TSEN15: variants seen among roughly 807,000 people sequenced by gnomAD.
TSEN15 encodes tRNA splicing endonuclease subunit 15, also known as tRNA-splicing endonuclease subunit Sen15.
TSEN15 carries 10 observed loss-of-function variants against 20.5 expected under a neutral mutation model. The ratio of observed to expected loss-of-function variants is 0.49; its 90% CI spans 0.30 to 0.83. TSEN15 has a LOEUF of 0.83. TSEN15 is among the 40% of genes least tolerant of loss of function. The probability of loss-of-function intolerance (pLI) is 0.06; values close to 1 mark genes in which losing one functional copy is unlikely to be tolerated. For missense variants in TSEN15, 180 were observed against 218.6 expected (o/e 0.82, Z 1.11); for synonymous variants, 72 against 80.1 (o/e 0.90, Z 0.54).
Position 184,073,749 on chromosome 1 carries a change from G to GT in TSEN15, c.*903dup, listed in dbSNP as rs1184126856. Reference sequence around the variant, plus strand: ...AACTTTTTCTATAAAGGGCCAGAAAGTAACTATTTTAGGTTTTTAAACCTA... The same window carrying GT: ...AACTTTTTCTATAAAGGGCCAGAAAGTTAACTATTTTAGGTTTTTAAACCTA... On this transcript the variant is annotated 3_prime_UTR_variant, in exon 5 of 5. Coordinates refer to ENST00000645668, the MANE Select transcript of TSEN15 (RefSeq NM_052965.4). 3 of 152,428 alleles carry GT rather than the reference G, an allele frequency of 2.0e-5. No individual in the cohort carries two copies. The highest frequency in any genetic ancestry group is 4.4e-5 in the Non-Finnish European group (3 of 67,984). The allele number at this position is 152,428 out of a possible 1,614,324, so 9.4% of individuals were successfully genotyped here.
At chr1:184,064,265 G>A (rs1650567038) in intron 3 of TSEN15, among the ~76,000 whole-genome samples, 1 of 152,138 alleles carries the variant, frequency 6.6e-6, no homozygotes, top group African/African-American at 2.4e-5. Context: ...CAAGATGTTT[G>A]AAATATGCAA....
At chr1:184,076,029 C>T (rs1651055332), downstream of TSEN15, among the ~76,000 whole-genome samples, 1 of 151,738 alleles carries the variant, frequency 6.6e-6, no homozygotes, top group South Asian at 2.1e-4. Context: ...AGCTCTGGAA[C>T]ACTCACTATT....
chr1:184,077,326 G>A (rs1244411967), downstream of TSEN15, among the ~76,000 whole-genome samples: 1 of 152,128 alleles, frequency 6.6e-6, no homozygotes, highest in African/African-American at 2.4e-5. Context: ...ATGGTTTACT[G>A]AATATTTTAA....
intron 3 of TSEN15, among the ~76,000 whole-genome samples, chr1:184,055,621 A>G (rs1358051600): frequency 6.6e-6 from 1 of 152,196 alleles, no homozygotes; most frequent in Non-Finnish European, 1.5e-5. Flanking sequence ...CATGATTAAC[A>G]TGCAAGCTGA....
intron 3 of TSEN15, chr1:184,095,665 C>G (rs965618010): frequency 5.2e-6 from 2 of 384,626 alleles, no homozygotes; most frequent in African/African-American, 2.2e-5. Flanking sequence ...CTCTCTCTCT[C>G]TCTGTGTCTC....
downstream of TSEN15, among the ~76,000 whole-genome samples, chr1:184,076,616 G>A (rs1301971441): frequency 6.6e-6 from 1 of 152,124 alleles, no homozygotes; most frequent in Non-Finnish European, 1.5e-5. Context: ...GATGAGATGG[G>A]CCAAAAACTA....
rs117434860 is a variant in TSEN15 at position 184,059,690 on chromosome 1, C to T, written c.353+4827C>T. 8.7e-4 allele frequency among the ~76,000 whole-genome samples: 132 copies of T among 152,258 alleles called. 2 individuals are homozygous for T. The East Asian group carries it at 0.021, about 24-fold the overall frequency. The stretch of plus-strand genomic sequence containing the variant: ...GGTTCAAGTGATTCTCCTGCTTCAG[C>T]GTTCTAAGTAGCTGGGATTACAGGC... On this transcript the variant is annotated intron_variant, in intron 3 of 4. Transcript: ENST00000645668.
chr1:184,054,396 G>A lies in TSEN15; in HGVS notation c.178G>A (p.Val60Ile), dbSNP rs1406881178. The A allele has an allele frequency of 3.7e-6, 6 of 1,610,236 alleles. No individual in the cohort carries two copies. Among genetic ancestry groups the A allele is most frequent in the African/African-American group, 1.3e-5 (1 of 74,968 alleles). Residue 60 changes from valine to isoleucine, a missense_variant, in exon 2 of 5, where the codon GTT becomes ATT. Val to Ile is a conservative substitution (Grantham distance 29, BLOSUM62 3). Coordinates refer to ENST00000645668, the MANE Select transcript of TSEN15 (RefSeq NM_052965.4). ...ATTAGATATAGGAGATGCCACCCAA[G>A]TTTATGTAGCGTTCTTGGTTTACCT... is the stretch of plus-strand genomic sequence containing the variant. ...MELDIGDATQ[V>I]YVAFLVYLDL...
At chr1:184,074,349 C>G (rs931028502), downstream of TSEN15, 7 of 152,118 alleles carry the variant, frequency 4.6e-5, no homozygotes, top group African/African-American at 1.4e-4. Context: ...GTTGGGTCCT[C>G]CATGAGGCTA....
At chr1:184,057,939 C>T (rs1417630119) in intron 3 of TSEN15, among the ~76,000 whole-genome samples, 3 of 152,048 alleles carry the variant, frequency 2.0e-5, no homozygotes, top group Non-Finnish European at 4.4e-5. Context: ...ATTCATTCCT[C>T]AGAACTCATT....
intron 3 of TSEN15, among the ~76,000 whole-genome samples, chr1:184,086,388 T>C (rs1193965663): frequency 2.6e-5 from 4 of 151,968 alleles, no homozygotes; most frequent in African/African-American, 4.8e-5. Context: ...GAAGTTGGGG[T>C]GGGGAAGATA....
chr1:184,072,942 T>C lies in TSEN15; in HGVS notation c.*95T>C. 7.9e-7 allele frequency: 1 copy of C among 1,266,956 alleles called. No homozygotes were observed. The highest frequency in any genetic ancestry group is 1.1e-6 in the Non-Finnish European group (1 of 900,112). The allele number at this position is 1,266,956 out of a possible 1,614,324, so 78.5% of individuals were successfully genotyped here. ...TTTTATCTCAGAAATAGGGTTGACG[T>C]ACATAGTGAGGGTTGACTTCCCCAT... On this transcript the variant is annotated 3_prime_UTR_variant, in exon 5 of 5. Transcript: ENST00000645668.
chr1:184,057,646 T>C (rs1359201787), intron 3 of TSEN15, among the ~76,000 whole-genome samples: 2 of 152,200 alleles, frequency 1.3e-5, no homozygotes, highest in Non-Finnish European at 2.9e-5. Flanking sequence ...CCCTTCTAAA[T>C]TAAAGCTGCT....
chr1:184,072,063 T>A (rs1304554728), intron 3 of TSEN15, 94 bp from the exon 4 acceptor site: 4 of 1,290,334 alleles, frequency 3.1e-6, no homozygotes, highest in Admixed American at 4.8e-5. Flanking sequence ...TGGTTTCTTG[T>A]GACCTGTTTT....
intron 3 of TSEN15, among the ~76,000 whole-genome samples, chr1:184,093,242 C>G (rs766724827): frequency 1.3e-5 from 2 of 152,134 alleles, no homozygotes; most frequent in African/African-American, 2.4e-5. Context: ...TTTAAAGTCA[C>G]GAGGCCCAGG....
chr1:184,055,010 T>C, intron 3 of TSEN15, 147 bp downstream of exon 3: 1 of 875,986 alleles, frequency 1.1e-6, no homozygotes. Context: ...TAAATATGAG[T>C]GTTGTATTCG....
intron 3 of TSEN15, among the ~76,000 whole-genome samples, chr1:184,063,943 A>T (rs1650554812): frequency 6.6e-6 from 1 of 152,212 alleles, no homozygotes. Context: ...TAATACAAAC[A>T]TAATTATATA....
intron 3 of TSEN15, among the ~76,000 whole-genome samples, chr1:184,069,552 A>C (rs574603696): frequency 5.3e-5 from 8 of 152,220 alleles, no homozygotes; most frequent in Non-Finnish European, 1.0e-4. Flanking sequence ...GTTAGAAATT[A>C]AGTGAGATTA....
chr1:184,058,821 A>G (rs1650340569), intron 3 of TSEN15, among the ~76,000 whole-genome samples: 1 of 152,162 alleles, frequency 6.6e-6, no homozygotes, highest in South Asian at 2.1e-4. Context: ...GTGATAAAAC[A>G]TCTACATAAA....
Sources: gnomAD v4.1 joint callset for allele counts (sites outside exome capture counted in the v4.1 genomes callset) on GRCh38, gnomAD v4.1.1 for gene constraint, MANE v1.5 for transcripts, NCBI Gene and HGNC (gene_info 2026-07-23, HGNC 2026-07-21) for gene names.